Variants in BMPR1B observed in about 807,000 individuals in gnomAD.
BMPR1B encodes the protein bone morphogenetic protein receptor type 1B, also known as bone morphogenetic protein receptor type-1B.
Under a neutral mutation model 59.1 loss-of-function variants are expected in BMPR1B, and 12 were observed. That is an observed-to-expected ratio of 0.20 (90% CI 0.13 to 0.33). The LOEUF (loss-of-function observed/expected upper bound fraction) is 0.33, where lower values mean the gene tolerates loss of function less well. BMPR1B is among the 10% of genes least tolerant of loss of function. The pLI is 1.00. For synonymous variants in BMPR1B, 237 were observed against 207.3 expected (o/e 1.14, Z -1.23); for missense variants, 550 against 610.9 (o/e 0.90, Z 1.05).
rs1022477330 is a variant in BMPR1B, at chr4:95,130,175, T to C, written c.778+121T>C. On this transcript the variant is annotated intron_variant, in intron 9 of 12. Coordinates refer to ENST00000515059, the MANE Select transcript of BMPR1B (RefSeq NM_001203.3). ...TGCGAAATGTATTGAAGTTTTCTTC[T>C]TGGCATGGGCCCAAGAACATCATAA... The C allele has an allele frequency of 1.0e-5, 12 of 1,201,826 alleles. No homozygotes were observed. In the African/African-American group the frequency reaches 1.8e-4, roughly 18 times the overall value. 74.4% of individuals were successfully genotyped at this position (1,201,826 alleles called of 1,614,324 possible).
At chr4:94,887,403 C>CAAAAAAA (rs57818132) in intron 2 of BMPR1B, among the ~76,000 whole-genome samples, 82 of 54,656 alleles carry the variant, frequency 1.5e-3, no homozygotes, top group African/African-American at 1.6e-3. Context: ...CACCCCCCAC[C>CAAAAAAA]AAAAAAAAAA....
At chr4:94,783,221 A>G (rs987548886) in intron 1 of BMPR1B, among the ~76,000 whole-genome samples, 5 of 152,140 alleles carry the variant, frequency 3.3e-5, no homozygotes, top group African/African-American at 9.7e-5. Flanking sequence ...AACTTGCTTC[A>G]TAGTCTGATC....
intron 10 of BMPR1B, among the ~76,000 whole-genome samples, chr4:95,144,852 A>G (rs111888453): frequency 1.6e-3 from 236 of 152,222 alleles, no homozygotes; most frequent in African/African-American, 5.2e-3. Context: ...GGATATTTTC[A>G]GTTCTCCTTC....
At chr4:95,038,726 C>CT in intron 3 of BMPR1B, among the ~76,000 whole-genome samples, 1 of 152,256 alleles carries the variant, frequency 6.6e-6, no homozygotes, top group South Asian at 2.1e-4. Flanking sequence ...CCTTGCTTCT[C>CT]TTTTTTTCTT....
intron 1 of BMPR1B, among the ~76,000 whole-genome samples, chr4:94,766,345 T>TA (rs1263422002): frequency 1.3e-5 from 2 of 151,928 alleles, no homozygotes; most frequent in Non-Finnish European, 2.9e-5. Flanking sequence ...GGATCATTCT[T>TA]ACTGCCAGGA....
intron 1 of BMPR1B, among the ~76,000 whole-genome samples, chr4:94,825,126 T>A (rs1353293289): frequency 6.6e-6 from 1 of 152,200 alleles, no homozygotes; most frequent in Non-Finnish European, 1.5e-5. Flanking sequence ...GTTCTTTTTG[T>A]GGATGGGAGT....
At position 95,103,123 on chromosome 4, in the gene BMPR1B, A is replaced by T. The variant is rs1730945690; in HGVS notation, c.-17-1285A>T. Among the ~76,000 whole-genome samples the T allele has an allele frequency of 1.3e-5, 2 of 152,062 alleles. 1 individual carries two copies. The highest frequency in any genetic ancestry group is 4.1e-4 in the South Asian group (2 of 4,824). On this transcript the variant is annotated intron_variant, in intron 3 of 12. Coordinates refer to ENST00000515059, the MANE Select transcript of BMPR1B (RefSeq NM_001203.3). ...AAATATTATAGTTAATAGAGAGAAA[A>T]TTCTGATATATTGACAACATATTTT...
At chr4:95,031,010 GA>G (rs1384208275) in intron 3 of BMPR1B, among the ~76,000 whole-genome samples, 1 of 151,742 alleles carries the variant, frequency 6.6e-6, no homozygotes, top group Non-Finnish European at 1.5e-5. Context: ...CACAGAATTG[GA>G]AAAAACTACT....
rs113810346 is a variant in BMPR1B at position 94,787,415 on chromosome 4, G to A, written c.-183+29347G>A. Among the ~76,000 whole-genome samples the A allele has an allele frequency of 3.4e-4, 52 of 152,232 alleles. 1 individual carries two copies. In the South Asian group the frequency reaches 5.4e-3, roughly 16 times the overall value. On this transcript the variant is annotated intron_variant, in intron 1 of 12. Coordinates refer to ENST00000515059, the MANE Select transcript of BMPR1B (RefSeq NM_001203.3). Reference sequence around the variant, plus strand: ...GTTCTCCCCTGAAGCAGGTTATAAGGCCCTCATGTGACAGGTACCCTCCCT... The same window carrying A: ...GTTCTCCCCTGAAGCAGGTTATAAGACCCTCATGTGACAGGTACCCTCCCT...
intron 2 of BMPR1B, among the ~76,000 whole-genome samples, chr4:94,956,328 C>T (rs1730139629): frequency 6.6e-6 from 1 of 151,994 alleles, no homozygotes; most frequent in Non-Finnish European, 1.5e-5. Flanking sequence ...CCTCGGTCTC[C>T]CAAAGCACAT....
chr4:94,967,831 AT>A (rs767543924), intron 2 of BMPR1B, among the ~76,000 whole-genome samples: 2 of 151,838 alleles, frequency 1.3e-5, no homozygotes, highest in Non-Finnish European at 2.9e-5. Context: ...CGTGAAAGAG[AT>A]TTTTTTTCTT....
intron 8 of BMPR1B, among the ~76,000 whole-genome samples, chr4:95,126,489 C>T (rs1247430166): frequency 6.6e-6 from 1 of 152,128 alleles, no homozygotes; most frequent in African/African-American, 2.4e-5. Flanking sequence ...TCATTTAGTC[C>T]TCATAGCAAC....
intron 2 of BMPR1B, among the ~76,000 whole-genome samples, chr4:94,895,062 A>G (rs1404691885): frequency 3.9e-5 from 6 of 152,048 alleles, no homozygotes; most frequent in Non-Finnish European, 8.8e-5. Context: ...AAGTTCTTCA[A>G]TGCATCTTCA....
intron 2 of BMPR1B, among the ~76,000 whole-genome samples, chr4:94,946,030 A>G (rs1441913818): frequency 6.6e-6 from 1 of 152,150 alleles, no homozygotes; most frequent in Non-Finnish European, 1.5e-5. Context: ...AATTCCTGAG[A>G]CGGGAAAATT....
intron 5 of BMPR1B, 107 bp downstream of exon 5, chr4:95,114,929 T>C: frequency 9.5e-7 from 1 of 1,053,254 alleles, no homozygotes; most frequent in Non-Finnish European, 1.5e-6. Flanking sequence ...TTTAGTATAG[T>C]CATGAGCTGC....
chr4:95,129,011 T>G (rs1046550363), intron 8 of BMPR1B, among the ~76,000 whole-genome samples: 24 of 151,386 alleles, frequency 1.6e-4, no homozygotes, highest in African/African-American at 5.1e-4. Context: ...GATATTTCCT[T>G]TATTTCCCTG....
At position 95,105,547 on chromosome 4, in the gene BMPR1B, A is replaced by T. The variant is rs146770553; in HGVS notation, c.143+980A>T. On this transcript the variant is annotated intron_variant, in intron 4 of 12. Transcript: ENST00000515059. ...TTCCCATGAAGCAAAATCTAATATA[A>T]GCTTACCAGGGTATTCCAAGAACCT... 9.2e-4 allele frequency among the ~76,000 whole-genome samples: 140 copies of T among 152,150 alleles called. 2 individuals are homozygous for T. Among genetic ancestry groups the T allele is most frequent in the African/African-American group, 3.3e-3 (135 of 41,520 alleles).
In BMPR1B at chr4:94,802,167, A is replaced by T. The variant is rs1470147399; in HGVS notation, c.-183+44099A>T. On this transcript the variant is annotated intron_variant, in intron 1 of 12. Transcript: ENST00000515059. ...GTGGTGAAAGACAAGTGCTGTAGACATGGCATTTACTGGGTGTTTGACTGC... is the reference window on the plus strand; with the variant it reads ...GTGGTGAAAGACAAGTGCTGTAGACTTGGCATTTACTGGGTGTTTGACTGC... Among the ~76,000 whole-genome samples the T allele has an allele frequency of 2.0e-5, 3 of 152,338 alleles. No homozygotes were observed. In the East Asian group the frequency reaches 5.8e-4, roughly 29 times the overall value.
intron 2 of BMPR1B, among the ~76,000 whole-genome samples, chr4:94,926,115 T>C (rs976903562): frequency 3.0e-5 from 4 of 131,844 alleles, no homozygotes; most frequent in South Asian, 2.9e-4. Context: ...TCCCCTCCCT[T>C]CCTCCCTCCC....
Sources: gnomAD v4.1 joint callset for allele counts (sites outside exome capture counted in the v4.1 genomes callset) on GRCh38, gnomAD v4.1.1 for gene constraint, MANE v1.5 for transcripts, NCBI Gene and HGNC (gene_info 2026-07-23, HGNC 2026-07-21) for gene names.